Variants in FER1L6 observed in about 807,000 individuals in gnomAD.
The protein encoded by FER1L6 is fer-1 like family member 6.
In FER1L6, 177 loss-of-function variants were observed where a neutral mutation model predicts 219.2. The observed-to-expected ratio is 0.81, with a 90% confidence interval of 0.71 to 0.91. The LOEUF (loss-of-function observed/expected upper bound fraction) is 0.91. Ranked by LOEUF, FER1L6 falls within the 40% of genes least tolerant of loss-of-function variation. FER1L6 has a pLI of 0.00. For missense variants in FER1L6, 2,153 were observed against 2,259.9 expected (o/e 0.95, Z 0.96); for synonymous variants, 768 against 824.3 (o/e 0.93, Z 1.17).
At chr8:123,900,841 T>G (rs550803006) in intron 1 of FER1L6, among the ~76,000 whole-genome samples, 240 of 152,320 alleles carry the variant, frequency 1.6e-3, no homozygotes, top group African/African-American at 5.4e-3. Context: ...TCTGCATCCC[T>G]GGTATGAAAC....
intron 3 of FER1L6, among the ~76,000 whole-genome samples, chr8:123,964,391 AGTT>A (rs1815440462): frequency 6.6e-6 from 1 of 152,064 alleles, no homozygotes; most frequent in Admixed American, 6.6e-5. Context: ...GCTGATCCTG[AGTT>A]GTTGTTTCTG....
At chr8:123,960,271 A>T (rs1442372781) in intron 2 of FER1L6, among the ~76,000 whole-genome samples, 1 of 152,162 alleles carries the variant, frequency 6.6e-6, no homozygotes, top group African/African-American at 2.4e-5. Flanking sequence ...TTTATTAGGA[A>T]GGCTCAGCCA....
chr8:123,872,501 C>T (rs949710185), intron 1 of FER1L6, among the ~76,000 whole-genome samples: 8 of 151,976 alleles, frequency 5.3e-5, no homozygotes, highest in Non-Finnish European at 8.8e-5. Flanking sequence ...GATGCTGGAG[C>T]GGAAGTAATA....
At chr8:124,054,405 T>G (rs1820186962) in intron 22 of FER1L6, among the ~76,000 whole-genome samples, 1 of 152,228 alleles carries the variant, frequency 6.6e-6, no homozygotes, top group Non-Finnish European at 1.5e-5. Context: ...GTAAAGAAAC[T>G]GAGAAGTCCT....
intron 1 of FER1L6, among the ~76,000 whole-genome samples, chr8:123,854,586 T>C (rs974272562): frequency 6.6e-6 from 1 of 152,212 alleles, no homozygotes; most frequent in Non-Finnish European, 1.5e-5. Context: ...ATTTCAGGAA[T>C]GTGAATAGAA....
At chr8:123,932,768 T>C (rs1373230354) in intron 1 of FER1L6, among the ~76,000 whole-genome samples, 1 of 152,226 alleles carries the variant, frequency 6.6e-6, no homozygotes, top group African/African-American at 2.4e-5. Context: ...AACACATTCA[T>C]TGAGCACCTG....
intron 1 of FER1L6, among the ~76,000 whole-genome samples, chr8:123,854,158 C>T (rs543574360): frequency 1.2e-4 from 18 of 152,288 alleles, no homozygotes; most frequent in Middle Eastern, 3.4e-3. Flanking sequence ...ATAACATAAA[C>T]AATGCCTTAT....
chr8:123,973,287 G>T (rs1320751773), intron 6 of FER1L6, 147 bp from the exon 7 acceptor site: 2 of 636,482 alleles, frequency 3.1e-6, no homozygotes, highest in Non-Finnish European at 5.7e-6. Flanking sequence ...AAATGAAGGT[G>T]TTGAGGGGCT....
intron 1 of FER1L6, among the ~76,000 whole-genome samples, chr8:123,949,061 C>T (rs773859978): frequency 7.9e-5 from 12 of 152,072 alleles, no homozygotes; most frequent in Non-Finnish European, 1.8e-4. Context: ...CTCTGTTTCC[C>T]CAGTCATTCT....
At chr8:123,857,772 C>T (rs1816674020) in intron 1 of FER1L6, among the ~76,000 whole-genome samples, 2 of 152,178 alleles carry the variant, frequency 1.3e-5, no homozygotes, top group Non-Finnish European at 2.9e-5. Flanking sequence ...TTGGAGGCCA[C>T]CGCCCTTCCA....
chr8:124,061,297 A>C (rs1225332368), intron 24 of FER1L6, among the ~76,000 whole-genome samples: 1 of 152,164 alleles, frequency 6.6e-6, no homozygotes, highest in Non-Finnish European at 1.5e-5. Context: ...TTTGAAACTA[A>C]TTGCAAAGAA....
chr8:123,865,313 C>T (rs1255946846), intron 1 of FER1L6, among the ~76,000 whole-genome samples: 1 of 149,686 alleles, frequency 6.7e-6, no homozygotes, highest in Non-Finnish European at 1.5e-5. Flanking sequence ...GGTCAGGGAC[C>T]CACTTGAGGA....
chr8:124,059,427 GCTT>G (rs1820458702), intron 22 of FER1L6, among the ~76,000 whole-genome samples: 1 of 152,182 alleles, frequency 6.6e-6, no homozygotes, highest in African/African-American at 2.4e-5. Context: ...GTCAGAAAAA[GCTT>G]CTTTTATTTT....
chr8:123,859,141 A>G (rs1375235486), intron 1 of FER1L6, among the ~76,000 whole-genome samples: 1 of 152,024 alleles, frequency 6.6e-6, no homozygotes, highest in Non-Finnish European at 1.5e-5. Flanking sequence ...CTGGGACCAC[A>G]GGTGTGCACC....
chr8:124,114,049 T>A (rs766312341), intron 39 of FER1L6, among the ~76,000 whole-genome samples: 4 of 152,218 alleles, frequency 2.6e-5, no homozygotes, highest in Non-Finnish European at 4.4e-5. Flanking sequence ...CAATCTTAAT[T>A]ATTTCATTGG....
chr8:124,069,377 G>A lies in FER1L6; in HGVS notation c.3736G>A (p.Val1246Ile). 2 of 1,612,500 alleles carry A rather than the reference G, an allele frequency of 1.2e-6. No individual in the cohort carries two copies. Among genetic ancestry groups the A allele is most frequent in the South Asian group, 2.2e-5 (2 of 90,752 alleles). The change falls in exon 29 of 41, where the codon GTA (valine) becomes ATA (isoleucine). Residue 1246 changes from valine to isoleucine, a missense_variant. Val to Ile is a conservative substitution (Grantham distance 29). Coordinates refer to ENST00000522917, the MANE Select transcript of FER1L6 (RefSeq NM_001039112.2). ...KGNTEAKPDE[V>I]VVDIEDGPKK... is the part of the protein sequence containing the mutation. ...ATCCACAGAGGCAAAGCCAGATGAG[G>A]TAGTGGTAGATATAGAAGATGGGCC...
chr8:124,103,084 G>C, intron 38 of FER1L6, 62 bp from the exon 39 acceptor site: 3 of 1,435,468 alleles, frequency 2.1e-6, no homozygotes, highest in Non-Finnish European at 1.9e-6. Flanking sequence ...GATGGTGATT[G>C]AGAAGCTCTT....
intron 13 of FER1L6, among the ~76,000 whole-genome samples, chr8:124,008,370 TC>T (rs1157657957): frequency 6.6e-6 from 1 of 152,244 alleles, no homozygotes. Flanking sequence ...TTGGGCTAGT[TC>T]CACATTTTTC....
chr8:124,070,722 A>G (rs912563647), intron 30 of FER1L6, 124 bp downstream of exon 30: 2 of 854,988 alleles, frequency 2.3e-6, no homozygotes, highest in Non-Finnish European at 3.4e-6. Context: ...TTTTTACTCA[A>G]GTCCCTCTCT....
Sources: gnomAD v4.1 joint callset for allele counts (sites outside exome capture counted in the v4.1 genomes callset) on GRCh38, gnomAD v4.1.1 for gene constraint, MANE v1.5 for transcripts, NCBI Gene and HGNC (gene_info 2026-07-23, HGNC 2026-07-21) for gene names.